The following C6orf132 variants were observed in gnomAD, a reference collection of about 807,000 sequenced individuals.
C6orf132 encodes chromosome 6 open reading frame 132.
A neutral mutation model predicts 65.3 loss-of-function variants in C6orf132; 43 were observed. The ratio of observed to expected loss-of-function variants is 0.66; its 90% CI spans 0.52 to 0.85. The LOEUF is 0.85. C6orf132 is among the 40% of genes least tolerant of loss of function. The pLI, the probability that C6orf132 is intolerant of heterozygous loss-of-function variation, is 0.00. For missense variants in C6orf132, 1,488 were observed against 1,548.8 expected (o/e 0.96, Z 0.66); for synonymous variants, 631 against 654.1 (o/e 0.96, Z 0.54).
In C6orf132 at chr6:42,105,439, TGAG is replaced by T. The variant is rs751562155; in HGVS notation, c.2470_2472del (p.Leu824del). 22 of 1,535,214 alleles carry T rather than the reference TGAG, an allele frequency of 1.4e-5. No homozygotes were observed. In the South Asian group the frequency reaches 2.5e-4, roughly 17 times the overall value. On this transcript the variant is annotated inframe_deletion, in exon 4 of 5. Coordinates refer to ENST00000341865, the MANE Select transcript of C6orf132 (RefSeq NM_001164446.3). ...ACCACCTCCCCAGTCACCGGGTGCC[TGAG>T]GAGTTCATCAGTGGGCTGGGCCGAG...
intron 3 of C6orf132, among the ~76,000 whole-genome samples, chr6:42,108,306 CTGT>C (rs1052603099): frequency 2.6e-5 from 4 of 152,304 alleles, no homozygotes; most frequent in African/African-American, 9.6e-5. Flanking sequence ...CTTCTTACAG[CTGT>C]TGTGAGGATT....
chr6:42,130,307 C>G (rs1025092377), intron 1 of C6orf132, among the ~76,000 whole-genome samples: 5 of 152,248 alleles, frequency 3.3e-5, no homozygotes, highest in African/African-American at 1.2e-4. Flanking sequence ...CAAGATCAGA[C>G]AGGGCATGCG....
At chr6:42,118,965 C>G (rs1249647105) in intron 2 of C6orf132, among the ~76,000 whole-genome samples, 1 of 143,856 alleles carries the variant, frequency 7.0e-6, no homozygotes, top group Non-Finnish European at 1.5e-5. Flanking sequence ...CCTCAAATTC[C>G]TGAGCTCCTG....
intron 2 of C6orf132, among the ~76,000 whole-genome samples, chr6:42,117,923 C>CAAAAAAAAAAAAAAAAAAAAA (rs556142891): frequency 6.4e-5 from 4 of 62,318 alleles, no homozygotes; most frequent in African/African-American, 1.8e-4. Flanking sequence ...AACCCTGTCA[C>CAAAAAAAAAAAAAAAAAAAAA]AAAAAAAAAA....
At chr6:42,135,707 C>T (rs780691186) in intron 1 of C6orf132, among the ~76,000 whole-genome samples, 2 of 152,378 alleles carry the variant, frequency 1.3e-5, no homozygotes, top group African/African-American at 4.8e-5. Flanking sequence ...TAATTAAATA[C>T]TTAAATGTCT....
Position 42,104,388 on chromosome 6 carries a change from T to C in C6orf132, c.3449+75A>G. ...AAACCAAATGTTTTCTCTTGACGGA[T>C]GGCCGGGACTCCTTGGCCCTCGCCT... On this transcript the variant is annotated intron_variant, in intron 4 of 4. Transcript: ENST00000341865. This position sits in a 1 kb window ranked among gnomAD's most constrained non-coding sequence, Gnocchi z 4.1. The C allele has an allele frequency of 8.2e-7, 1 of 1,226,392 alleles. No individual in the cohort carries two copies. The highest frequency in any genetic ancestry group is 1.0e-6 in the Non-Finnish European group (1 of 984,872). The allele number at this position is 1,226,392 out of a possible 1,614,324, so 76.0% of individuals were successfully genotyped here.
At chr6:42,111,277 A>ATTT (rs1397400904) in intron 2 of C6orf132, among the ~76,000 whole-genome samples, 1 of 114,904 alleles carries the variant, frequency 8.7e-6, no homozygotes, top group African/African-American at 4.6e-5. Context: ...ATTCCTGGCT[A>ATTT]ATTTTTTTTT....
chr6:42,104,783 C>T lies in C6orf132; in HGVS notation c.3129G>A (p.Ala1043=). 1 of 1,502,430 alleles carries T rather than the reference C, an allele frequency of 6.7e-7. No homozygotes were observed. The highest frequency in any genetic ancestry group is 8.8e-7 in the Non-Finnish European group (1 of 1,132,890). The allele number at this position is 1,502,430 out of a possible 1,614,324, so 93.1% of individuals were successfully genotyped here. A position where few individuals can be genotyped will look rare whatever the true frequency, so the allele number is the denominator to read the frequency against. The change falls in exon 4 of 5, where the codon GCG becomes GCA. Residue 1043 remains alanine (A), a synonymous_variant. Coordinates refer to ENST00000341865, the MANE Select transcript of C6orf132 (RefSeq NM_001164446.3). This position sits in a 1 kb window ranked among gnomAD's most constrained non-coding sequence, Gnocchi z 4.1. ...ALGFSRFPAG[A]RYAGAGGLER... ...CCAGGCCCCCAGCCCCGGCGTAGCG[C>T]GCGCCCGCGGGAAAGCGCGAGAAGC...
chr6:42,105,702 G>A lies in C6orf132; in HGVS notation c.2210C>T (p.Pro737Leu). ...TGTGGGCAGCCTAGTGGCCTCTGAGGGGGACCCCTCTCCCCTTGCCTGGGA... is the reference window on the plus strand; with the variant it reads ...TGTGGGCAGCCTAGTGGCCTCTGAGAGGGACCCCTCTCCCCTTGCCTGGGA... ...TPSQARGEGS[P>L]SEATRLPTQG... Residue 737 changes from proline (P) to leucine (L), a missense_variant, in exon 4 of 5, where the codon CCC becomes CTC. Physicochemically the swap from Pro to Leu is moderately conservative, Grantham distance 98. Transcript: ENST00000341865. 8 of 1,537,334 alleles carry A rather than the reference G, an allele frequency of 5.2e-6. No individual in the cohort carries two copies. The highest frequency in any genetic ancestry group is 7.0e-6 in the Non-Finnish European group (8 of 1,146,930).
chr6:42,106,397 C>T lies in C6orf132; in HGVS notation c.1515G>A (p.Lys505=). The T allele has an allele frequency of 1.3e-6, 2 of 1,536,040 alleles. No homozygotes were observed. The highest frequency in any genetic ancestry group is 8.7e-7 in the Non-Finnish European group (1 of 1,146,828). Residue 505 remains lysine, a synonymous_variant, in exon 4 of 5, where the codon AAG becomes AAA. Coordinates refer to ENST00000341865, the MANE Select transcript of C6orf132 (RefSeq NM_001164446.3). ...TCTCCTTCTCAGGCAGGCGGGGGCC[C>T]TTCTTGCCCTCCTTGCTCTGAGGGG... ...TVAPQSKEGK[K]GPRLPEKETL... is the part of the protein sequence containing the mutation.
In C6orf132 at chr6:42,114,509, A is replaced by G. The variant is rs909722502; in HGVS notation, c.253-4218T>C. Reference sequence around the variant, plus strand: ...TTTCAGGGAAGGCAAATGCAAACTCATTTTAATCTTAGTCCCATAAAAACA... The same window carrying G: ...TTTCAGGGAAGGCAAATGCAAACTCGTTTTAATCTTAGTCCCATAAAAACA... On this transcript the variant is annotated intron_variant, in intron 2 of 4. Transcript: ENST00000341865. 2.0e-5 allele frequency among the ~76,000 whole-genome samples: 3 copies of G among 152,152 alleles called. No homozygotes were observed. In the East Asian group the frequency reaches 5.8e-4, roughly 29 times the overall value.
intron 1 of C6orf132, 134 bp from the exon 2 acceptor site, chr6:42,128,912 C>T (rs981484639): frequency 7.7e-6 from 5 of 646,680 alleles, no homozygotes; most frequent in East Asian, 5.7e-5. Flanking sequence ...TTCAGCTAAG[C>T]GCCTCTAACA....
At chr6:42,131,691 G>A (rs1766855644) in intron 1 of C6orf132, among the ~76,000 whole-genome samples, 1 of 152,220 alleles carries the variant, frequency 6.6e-6, no homozygotes, top group African/African-American at 2.4e-5. Context: ...GATCTGAACT[G>A]TGGCCGTCTG....
chr6:42,134,637 G>A (rs1196577362), intron 1 of C6orf132, among the ~76,000 whole-genome samples: 1 of 152,122 alleles, frequency 6.6e-6, no homozygotes, highest in Non-Finnish European at 1.5e-5. Context: ...AGCTGGGCGT[G>A]GTGGTGGGTG....
Position 42,105,282 on chromosome 6 carries a change from G to T in C6orf132, c.2630C>A (p.Ala877Asp). The change falls in exon 4 of 5, where the codon GCC becomes GAC. Residue 877 changes from alanine to aspartate, a missense_variant. Ala to Asp is a moderately radical substitution (Grantham distance 126, BLOSUM62 -2). Transcript: ENST00000341865. ...GCTGTGGAAGATGCTGTCAGAGCTG[G>T]CCTCGGCTTGGTGGCTGTGGTCACG... is the stretch of plus-strand genomic sequence containing the variant. Reference protein sequence around the residue: ...SLRDHSHQAEASSDSIFHSQG... With the variant: ...SLRDHSHQAEDSSDSIFHSQG... 6.5e-7 allele frequency: 1 copy of T among 1,537,192 alleles called. No individual in the cohort carries two copies. The highest frequency in any genetic ancestry group is 8.7e-7 in the Non-Finnish European group (1 of 1,146,896).
Position 42,106,190 on chromosome 6 carries a change from G to C in C6orf132, c.1722C>G (p.Leu574=). The C allele has an allele frequency of 6.5e-7, 1 of 1,537,248 alleles. No homozygotes were observed. Among genetic ancestry groups the C allele is most frequent in the Non-Finnish European group, 8.7e-7 (1 of 1,146,916 alleles). ...RQIRNELEAR[L]SSAAEKEAKP... is the part of the protein sequence containing the mutation. ...TAGCCTCCTTCTCTGCTGCTGAGGAGAGCCGGGCCTCCAGCTCATTCCGGA... is the reference window on the plus strand; with the variant it reads ...TAGCCTCCTTCTCTGCTGCTGAGGACAGCCGGGCCTCCAGCTCATTCCGGA... The change falls in exon 4 of 5, where the codon CTC becomes CTG. Residue 574 remains leucine, a synonymous_variant. Transcript: ENST00000341865.
chr6:42,110,607 T>G (rs1766478510), intron 2 of C6orf132, among the ~76,000 whole-genome samples: 1 of 152,244 alleles, frequency 6.6e-6, no homozygotes, highest in Non-Finnish European at 1.5e-5. Context: ...AAGATTTTTG[T>G]CAACTGATCA....
At position 42,106,314 on chromosome 6, in the gene C6orf132, C is replaced by A. The variant is rs1421334423; in HGVS notation, c.1598G>T (p.Gly533Val). 1 of 1,536,640 alleles carries A rather than the reference C, an allele frequency of 6.5e-7. No individual in the cohort carries two copies. Among genetic ancestry groups the A allele is most frequent in the Non-Finnish European group, 8.7e-7 (1 of 1,146,882 alleles). The change falls in exon 4 of 5, where the codon GGC becomes GTC. Residue 533 changes from glycine to valine, a missense_variant. By Grantham distance (109) the Gly-to-Val change is moderately radical. Transcript: ENST00000341865. The part of the protein sequence containing the change: ...TPPGVPEKSL[G>V]GSSLTETEAA... ...CTCTGTCTCTGTCAGGCTGCTGCCG[C>A]CAAGACTCTTTTCAGGAACACCTGG...
rs911731444 is a variant in C6orf132 at position 42,104,736 on chromosome 6, CGGCCCCCTCCCGAGAAGCGCTCCA to C, written c.3152_3175del (p.Leu1051_Gly1058del). The C allele has an allele frequency of 9.8e-6, 15 of 1,525,500 alleles. No homozygotes were observed. In the African/African-American group the frequency reaches 1.9e-4, roughly 20 times the overall value. 94.5% of individuals were successfully genotyped at this position (1,525,500 alleles called of 1,614,324 possible). A position where few individuals can be genotyped will look rare whatever the true frequency, so the allele number is the denominator to read the frequency against. The stretch of plus-strand genomic sequence containing the variant: ...GTACAGGCGCTTCTTTATGAGCGAG[CGGCCCCCTCCCGAGAAGCGCTCCA>C]GGCCCCCAGCCCCGGCGTAGCGCGC... On this transcript the variant is annotated inframe_deletion, in exon 4 of 5. Transcript: ENST00000341865. This position sits in a 1 kb window ranked among gnomAD's most constrained non-coding sequence, Gnocchi z 4.1.
Sources: gnomAD v4.1 joint callset for allele counts (sites outside exome capture counted in the v4.1 genomes callset) on GRCh38, gnomAD v4.1.1 for gene constraint, Gnocchi (gnomAD v3.1) non-coding constraint, MANE v1.5 for transcripts, NCBI Gene and HGNC (gene_info 2026-07-23, HGNC 2026-07-21) for gene names.